The following SH3RF1 variants were observed in gnomAD, a reference collection of about 807,000 sequenced individuals.
The protein encoded by SH3RF1 is SH3 domain containing ring finger 1.
Under a neutral mutation model 74.0 loss-of-function variants are expected in SH3RF1, and 32 were observed. The ratio of observed to expected loss-of-function variants is 0.43; its 90% CI spans 0.33 to 0.58. The LOEUF (loss-of-function observed/expected upper bound fraction) is 0.58, where lower values mean the gene tolerates loss of function less well. Ranked by LOEUF, SH3RF1 falls within the 20% of genes least tolerant of loss-of-function variation. The pLI, the probability that SH3RF1 is intolerant of heterozygous loss-of-function variation, is 0.05. For missense variants in SH3RF1, 954 were observed against 1,130.9 expected, an observed-to-expected ratio of 0.84 and a Z score of 2.24; for synonymous variants, 396 against 439.6, an observed-to-expected ratio of 0.90 and a Z score of 1.24.
rs539849005 is a variant in SH3RF1, at chr4:169,269,999, A to G, written c.-95-692T>C. 3 of 152,388 alleles carry G rather than the reference A, an allele frequency of 2.0e-5. No homozygotes were observed. The East Asian group carries it at 5.8e-4, about 29-fold the overall frequency. 9.4% of individuals were successfully genotyped at this position (152,388 alleles called of 1,614,324 possible). ...GGCCTGTCCTAATCCCATTCAGAAA[A>G]GCTGGCAAAATTATCACCAAAAGAA... On this transcript the variant is annotated intron_variant, in intron 1 of 11. Coordinates refer to ENST00000284637, the MANE Select transcript of SH3RF1 (RefSeq NM_020870.4).
chr4:169,222,422 A>G (rs576926547), intron 2 of SH3RF1, among the ~76,000 whole-genome samples: 2 of 151,762 alleles, frequency 1.3e-5, no homozygotes, highest in Non-Finnish European at 2.9e-5. Context: ...CTGAGATTGC[A>G]CCACTACACT....
At chr4:169,157,737 CT>C (rs896279950) in intron 2 of SH3RF1, among the ~76,000 whole-genome samples, 15 of 138,116 alleles carry the variant, frequency 1.1e-4, no homozygotes, top group African/African-American at 3.7e-4. Flanking sequence ...CAAGCTTTTA[CT>C]TTTTTTTTCT....
At chr4:169,183,750 T>TAA (rs199772454) in intron 2 of SH3RF1, among the ~76,000 whole-genome samples, 26,607 of 140,020 alleles carry the variant, frequency 0.19, 2,675 homozygotes, top group South Asian at 0.31. Context: ...GCTGTCTCTT[T>TAA]AAAAAAAAAA....
At chr4:169,179,067 C>A (rs1414127617) in intron 2 of SH3RF1, among the ~76,000 whole-genome samples, 2 of 152,168 alleles carry the variant, frequency 1.3e-5, no homozygotes, top group East Asian at 1.9e-4. Context: ...TGTTGCCTTA[C>A]ATGGCAAAAG....
chr4:169,250,466 G>A (rs1731083637), intron 2 of SH3RF1, among the ~76,000 whole-genome samples: 1 of 152,152 alleles, frequency 6.6e-6, no homozygotes, highest in Non-Finnish European at 1.5e-5. Flanking sequence ...ACATCTGAAT[G>A]AATAACAGTC....
At chr4:169,218,643 A>C (rs796239055) in intron 2 of SH3RF1, among the ~76,000 whole-genome samples, 2 of 151,766 alleles carry the variant, frequency 1.3e-5, no homozygotes, top group East Asian at 1.9e-4. Context: ...CCAAAAGTGA[A>C]CACCACCATC....
chr4:169,173,999 T>TCA (rs1734375353), intron 2 of SH3RF1, among the ~76,000 whole-genome samples: 1 of 149,094 alleles, frequency 6.7e-6, no homozygotes, highest in Non-Finnish European at 1.5e-5. Flanking sequence ...ATTTCCTGAG[T>TCA]TATATATATA....
chr4:169,163,167 G>C (rs1484973746), intron 2 of SH3RF1, among the ~76,000 whole-genome samples: 2 of 151,640 alleles, frequency 1.3e-5, no homozygotes, highest in African/African-American at 4.8e-5. Context: ...AATTTCCCTG[G>C]GCTGTACTCT....
intron 2 of SH3RF1, among the ~76,000 whole-genome samples, chr4:169,177,318 T>C (rs1028883703): frequency 2.0e-5 from 3 of 152,224 alleles, no homozygotes; most frequent in African/African-American, 7.2e-5. Context: ...ATCATTTTTC[T>C]AAAGACTTCC....
At chr4:169,222,998 G>A (rs1730592905) in intron 2 of SH3RF1, among the ~76,000 whole-genome samples, 1 of 152,142 alleles carries the variant, frequency 6.6e-6, no homozygotes, top group Non-Finnish European at 1.5e-5. Context: ...GGTTTGCCCA[G>A]CTGCAGCTCT....
At chr4:169,134,039 T>C (rs906289199) in intron 5 of SH3RF1, among the ~76,000 whole-genome samples, 3 of 152,180 alleles carry the variant, frequency 2.0e-5, no homozygotes, top group Non-Finnish European at 2.9e-5. Flanking sequence ...CAATGCTCTA[T>C]TGTGGCCTGG....
intron 10 of SH3RF1, among the ~76,000 whole-genome samples, chr4:169,107,415 A>G (rs1305735947): frequency 6.6e-6 from 1 of 152,148 alleles, no homozygotes; most frequent in African/African-American, 2.4e-5. Flanking sequence ...TAATCTGGCC[A>G]CCAAGTTTTG....
At chr4:169,172,265 T>A (rs961966013) in intron 2 of SH3RF1, among the ~76,000 whole-genome samples, 12 of 152,248 alleles carry the variant, frequency 7.9e-5, no homozygotes, top group African/African-American at 2.7e-4. Flanking sequence ...AAGAAGGCAG[T>A]TATCAATACT....
chr4:169,153,382 G>C (rs751213060), intron 4 of SH3RF1, among the ~76,000 whole-genome samples: 6 of 152,188 alleles, frequency 3.9e-5, no homozygotes, highest in Admixed American at 6.5e-5. Flanking sequence ...TAAGATATAA[G>C]AGAATTATTT....
At chr4:169,167,994 G>A (rs1211616194) in intron 2 of SH3RF1, among the ~76,000 whole-genome samples, 1 of 152,012 alleles carries the variant, frequency 6.6e-6, no homozygotes, top group East Asian at 1.9e-4. Context: ...AAATAAATTA[G>A]CTGGGCATGG....
intron 2 of SH3RF1, among the ~76,000 whole-genome samples, chr4:169,189,121 T>G (rs969491382): frequency 5.9e-5 from 9 of 152,228 alleles, no homozygotes; most frequent in Admixed American, 2.6e-4. Flanking sequence ...AGTAGAAGCT[T>G]TTGTAAATGT....
chr4:169,258,962 T>C (rs1313916141), intron 2 of SH3RF1, among the ~76,000 whole-genome samples: 2 of 152,302 alleles, frequency 1.3e-5, no homozygotes, highest in East Asian at 3.9e-4. Flanking sequence ...GGGATATTTG[T>C]ATCCCACACT....
chr4:169,228,314 T>C (rs1032860507), intron 2 of SH3RF1, among the ~76,000 whole-genome samples: 18 of 152,304 alleles, frequency 1.2e-4, no homozygotes, highest in African/African-American at 3.8e-4. Flanking sequence ...CACAAATTTG[T>C]TATCTTGCAG....
At chr4:169,231,434 C>A (rs570017875) in intron 2 of SH3RF1, among the ~76,000 whole-genome samples, 75 of 152,096 alleles carry the variant, frequency 4.9e-4, no homozygotes, top group African/African-American at 1.7e-3. Context: ...GACGTCATGG[C>A]GCATGGCTGT....
Sources: allele counts gnomAD v4.1 joint callset (sites outside exome capture counted in the v4.1 genomes callset), GRCh38; gene constraint gnomAD v4.1.1; transcripts MANE v1.5; gene names NCBI Gene and HGNC (gene_info 2026-07-23, HGNC 2026-07-21).